Variants in CRMP1 observed in about 807,000 individuals in gnomAD.
CRMP1 encodes the protein dihydropyrimidinase-related protein 1.
A neutral mutation model predicts 68.3 loss-of-function variants in CRMP1; 19 were observed. That is an observed-to-expected ratio of 0.28 (90% CI 0.19 to 0.41). The LOEUF is 0.41. Ranked by LOEUF, CRMP1 falls within the 10% of genes least tolerant of loss-of-function variation. The pLI, the probability that CRMP1 is intolerant of heterozygous loss-of-function variation, is 1.00. For synonymous variants in CRMP1, 439 were observed against 399.6 expected, an observed-to-expected ratio of 1.10 and a Z score of -1.18; for missense variants, 791 against 967.4, an observed-to-expected ratio of 0.82 and a Z score of 2.42.
At chr4:5,852,720 C>T (rs987824575) in intron 4 of CRMP1, among the ~76,000 whole-genome samples, 4 of 152,182 alleles carry the variant, frequency 2.6e-5, no homozygotes, top group African/African-American at 9.7e-5. Flanking sequence ...GTAGGGGGCT[C>T]GCCATCTGGG....
chr4:5,851,198 C>A lies in CRMP1; in HGVS notation c.882+210G>T, dbSNP rs550951546. Among the ~76,000 whole-genome samples, 146 of 152,304 alleles carry A rather than the reference C, an allele frequency of 9.6e-4. 1 individual carries two copies. The highest frequency in any genetic ancestry group is 3.4e-3 in the African/African-American group (143 of 41,572). On this transcript the variant is annotated intron_variant, in intron 5 of 13. Coordinates refer to ENST00000324989, the MANE Select transcript of CRMP1 (RefSeq NM_001014809.3). ...TTTGGGAGCCACCAAACCAGGGAAC[C>A]CCTTCTGCATGCCACTCACACAGTC...
chr4:5,887,701 G>C (rs962370834), intron 1 of CRMP1: 1 of 985,154 alleles, frequency 1.0e-6, no homozygotes, highest in Non-Finnish European at 1.2e-6. Context: ...CTTCCATCAT[G>C]GCGCTGTCCC....
At position 5,892,808 on chromosome 4, in the gene CRMP1, A is replaced by G. The variant is rs1394637180; in HGVS notation, c.162T>C (p.Ser54=). ...ENKTIDFDAY[S]VGRRGSARTP... ...TGCGCGCCGAGCCGCGGCGGCCCACACTGTAGGCGTCGAAGTCGATGGTCT... is the reference window on the plus strand; with the variant it reads ...TGCGCGCCGAGCCGCGGCGGCCCACGCTGTAGGCGTCGAAGTCGATGGTCT... Residue 54 remains serine, a synonymous_variant, in exon 1 of 14, where the codon AGT becomes AGC. Coordinates refer to ENST00000324989, the MANE Select transcript of CRMP1 (RefSeq NM_001014809.3). This position sits in a 1 kb window ranked among gnomAD's most constrained non-coding sequence, Gnocchi z 8.6. 3 of 1,386,596 alleles carry G rather than the reference A, an allele frequency of 2.2e-6. No individual in the cohort carries two copies. The highest frequency in any genetic ancestry group is 2.8e-6 in the Non-Finnish European group (3 of 1,058,180). 85.9% of individuals were successfully genotyped at this position (1,386,596 alleles called of 1,614,324 possible).
chr4:5,889,361 T>C lies in CRMP1; in HGVS notation c.381+3228A>G, dbSNP rs1325998745. Among the ~76,000 whole-genome samples, 1 of 151,998 alleles carries C rather than the reference T, an allele frequency of 6.6e-6. No homozygotes were observed. Among genetic ancestry groups the C allele is most frequent in the African/African-American group, 2.4e-5 (1 of 41,388 alleles). ...GAGGGCTGGGCCACTGGCACCAAGG[T>C]CTCCACAGCCCTGGGGACAAGCTGG... On this transcript the variant is annotated intron_variant, in intron 1 of 13. Coordinates refer to ENST00000324989, the MANE Select transcript of CRMP1 (RefSeq NM_001014809.3). This position sits in a 1 kb window ranked among gnomAD's most constrained non-coding sequence, Gnocchi z 4.5.
At position 5,889,900 on chromosome 4, in the gene CRMP1, G is replaced by C; in HGVS notation, c.381+2689C>G. 1 of 1,407,494 alleles carries C rather than the reference G, an allele frequency of 7.1e-7. No homozygotes were observed. Among genetic ancestry groups the C allele is most frequent in the Non-Finnish European group, 9.2e-7 (1 of 1,082,322 alleles). The allele number at this position is 1,407,494 out of a possible 1,614,324, so 87.2% of individuals were successfully genotyped here. A position where few individuals can be genotyped will look rare whatever the true frequency, so the allele number is the denominator to read the frequency against. ...CAGAGAAGCCAGCTCAGTATCCCAGGAACACTAGGCATAATTTTCCCATTT... is the reference window on the plus strand; with the variant it reads ...CAGAGAAGCCAGCTCAGTATCCCAGCAACACTAGGCATAATTTTCCCATTT... On this transcript the variant is annotated intron_variant, in intron 1 of 13. Coordinates refer to ENST00000324989, the MANE Select transcript of CRMP1 (RefSeq NM_001014809.3). This position sits in a 1 kb window ranked among gnomAD's most constrained non-coding sequence, Gnocchi z 4.5.
At chr4:5,824,740 A>G in intron 13 of CRMP1, 1 of 985,358 alleles carries the variant, frequency 1.0e-6, no homozygotes, top group Non-Finnish European at 1.2e-6. Flanking sequence ...AAGAAAAAAA[A>G]TCACCATACT....
chr4:5,886,323 C>T (rs566149160), intron 1 of CRMP1, among the ~76,000 whole-genome samples: 232 of 152,344 alleles, frequency 1.5e-3, no homozygotes, highest in African/African-American at 5.5e-3. Context: ...CAAGACCTGT[C>T]GGCAGATCTG....
intron 1 of CRMP1, chr4:5,887,921 C>A: frequency 1.6e-6 from 1 of 634,310 alleles, no homozygotes; most frequent in Admixed American, 5.1e-5. Flanking sequence ...CTCTTTTGTT[C>A]GGCTCCGCAT....
At position 5,857,569 on chromosome 4, in the gene CRMP1, A is replaced by G. The variant is rs148640145; in HGVS notation, c.656-1262T>C. On this transcript the variant is annotated intron_variant, in intron 3 of 13. Coordinates refer to ENST00000324989, the MANE Select transcript of CRMP1 (RefSeq NM_001014809.3). ...CTTACTATTTGTCAGATAATGCCAC[A>G]AAAGCTTGACATAAGTTCGTTCATT... 3.2e-4 allele frequency among the ~76,000 whole-genome samples: 49 copies of G among 152,340 alleles called. 1 individual carries two copies. Among genetic ancestry groups the G allele is most frequent in the African/African-American group, 1.1e-3 (46 of 41,580 alleles).
chr4:5,829,140 C>G (rs1458442155), intron 11 of CRMP1, among the ~76,000 whole-genome samples: 1 of 152,198 alleles, frequency 6.6e-6, no homozygotes, highest in Non-Finnish European at 1.5e-5. Context: ...GATCAATTGA[C>G]ACGATATCGG....
In CRMP1 at chr4:5,859,105, T is replaced by C. The variant is rs1319224307; in HGVS notation, c.655+1921A>G. ...GTCATACATGTGGACGATTAGTGAC[T>C]CCCCAAGAGATGGCAGTCCCCTTGA... On this transcript the variant is annotated intron_variant, in intron 3 of 13. Transcript: ENST00000324989. The surrounding 1 kb of genome is among the most constrained non-coding windows in gnomAD (Gnocchi z 5.2). Among the ~76,000 whole-genome samples, 1 of 152,184 alleles carries C rather than the reference T, an allele frequency of 6.6e-6. No homozygotes were observed. The highest frequency in any genetic ancestry group is 2.4e-5 in the African/African-American group (1 of 41,444).
Position 5,821,920 on chromosome 4 carries a change from C to T in CRMP1, c.1970-69G>A, listed in dbSNP as rs1464175375. The T allele has an allele frequency of 1.1e-5, 14 of 1,236,930 alleles. 1 individual carries two copies. The highest frequency in any genetic ancestry group is 1.5e-5 in the Non-Finnish European group (14 of 914,284). The allele number at this position is 1,236,930 out of a possible 1,614,324, so 76.6% of individuals were successfully genotyped here. ...TCAGTTCCACGCTGCTCCTGGAGGC[C>T]ATGTACTCTGCCATGCACTCCACTG... On this transcript the variant is annotated intron_variant, in intron 13 of 13. Coordinates refer to ENST00000324989, the MANE Select transcript of CRMP1 (RefSeq NM_001014809.3). This position sits in a 1 kb window ranked among gnomAD's most constrained non-coding sequence, Gnocchi z 4.4.
intron 9 of CRMP1, 34 bp downstream of exon 9, chr4:5,839,488 G>A: frequency 6.3e-7 from 1 of 1,578,548 alleles, no homozygotes; most frequent in Non-Finnish European, 8.6e-7. Context: ...GGCCCCAGCT[G>A]CCTCCCCCAG....
At chr4:5,824,368 T>A (rs1444489269) in intron 13 of CRMP1, 1 of 985,194 alleles carries the variant, frequency 1.0e-6, no homozygotes, top group Non-Finnish European at 1.2e-6. Flanking sequence ...TTATGGAGAG[T>A]GAGATGAATG....
intron 11 of CRMP1, 101 bp from the exon 12 acceptor site, chr4:5,828,769 C>T (rs118018517): frequency 7.3e-7 from 1 of 1,362,542 alleles, no homozygotes; most frequent in Non-Finnish European, 9.9e-7. Context: ...AAGCGTGTTC[C>T]AATGTTTTTT....
chr4:5,842,378 G>A lies in CRMP1; in HGVS notation c.1032+715C>T, dbSNP rs191825051. On this transcript the variant is annotated intron_variant, in intron 7 of 13. Transcript: ENST00000324989. This position sits in a 1 kb window ranked among gnomAD's most constrained non-coding sequence, Gnocchi z 4.5. ...CAGGAAGCGGAGGCTGCAGTGAACC[G>A]AGATCATACCACTGCACTGTAGCCT... Among the ~76,000 whole-genome samples the A allele has an allele frequency of 3.2e-3, 466 of 145,930 alleles. No homozygotes were observed. Among genetic ancestry groups the A allele is most frequent in the African/African-American group, 0.011 (453 of 39,502 alleles).
chr4:5,856,930 T>TCATCACCATCACCAC (rs1713129013), intron 3 of CRMP1, among the ~76,000 whole-genome samples: 2 of 118,488 alleles, frequency 1.7e-5, no homozygotes, highest in Admixed American at 8.4e-5. Context: ...ACCACCACCA[T>TCATCACCATCACCAC]CACCACCATC....
intron 13 of CRMP1, among the ~76,000 whole-genome samples, chr4:5,823,034 T>G (rs1718934236): frequency 6.6e-6 from 1 of 152,208 alleles, no homozygotes; most frequent in African/African-American, 2.4e-5. Context: ...ACAACTGTCT[T>G]GGTGAATTTT....
Position 5,853,030 on chromosome 4 carries a change from A to G in CRMP1, c.821-1561T>C, listed in dbSNP as rs1712781697. On this transcript the variant is annotated intron_variant, in intron 4 of 13. Transcript: ENST00000324989. This position sits in a 1 kb window ranked among gnomAD's most constrained non-coding sequence, Gnocchi z 4.7. ...GAACTGGAACAAGCCAGTCTGGAGG[A>G]GCAGGCGCATCCTGATGAGCCAGGC... is the stretch of plus-strand genomic sequence containing the variant. Among the ~76,000 whole-genome samples the G allele has an allele frequency of 6.6e-6, 1 of 152,176 alleles. No individual in the cohort carries two copies. The highest frequency in any genetic ancestry group is 1.5e-5 in the Non-Finnish European group (1 of 68,024).
Sources: allele counts gnomAD v4.1 joint callset (sites outside exome capture counted in the v4.1 genomes callset), GRCh38; gene constraint gnomAD v4.1.1; non-coding constraint Gnocchi (gnomAD v3.1); transcripts MANE v1.5; gene names NCBI Gene and HGNC (gene_info 2026-07-23, HGNC 2026-07-21).